The following USP45 variants were observed in gnomAD, a reference collection of about 807,000 sequenced individuals.
The protein encoded by USP45 is ubiquitin specific peptidase 45.
In USP45, 89 loss-of-function variants were observed where a neutral mutation model predicts 95.8. That is an observed-to-expected ratio of 0.93 (90% CI 0.78 to 1.11). USP45 has a LOEUF of 1.11. Among genes scored for constraint, USP45 ranks in the 50% least tolerant of loss-of-function variants. The pLI is 0.00. For synonymous variants in USP45, 281 were observed against 316.2 expected (o/e 0.89, Z 1.18); for missense variants, 898 against 942.5 (o/e 0.95, Z 0.62).
chr6:99,450,279 AC>A (rs1000083214), intron 13 of USP45, among the ~76,000 whole-genome samples: 20 of 152,196 alleles, frequency 1.3e-4, no homozygotes, highest in Non-Finnish European at 2.2e-4. Flanking sequence ...AAATCGATAA[AC>A]CACTAGCAAG....
chr6:99,498,768 C>T (rs1414055623), intron 5 of USP45, among the ~76,000 whole-genome samples: 1 of 152,132 alleles, frequency 6.6e-6, no homozygotes, highest in Admixed American at 6.6e-5. Context: ...GGCCATATGG[C>T]ATGTGATATC....
At chr6:99,480,882 A>G (rs928597904) in intron 8 of USP45, among the ~76,000 whole-genome samples, 1 of 152,186 alleles carries the variant, frequency 6.6e-6, no homozygotes, top group Admixed American at 6.6e-5. Flanking sequence ...AAAAAAATAT[A>G]TTTGTCTAAT....
upstream of USP45, among the ~76,000 whole-genome samples, chr6:99,516,261 C>G (rs1309609572): frequency 6.6e-6 from 1 of 152,202 alleles, no homozygotes. Flanking sequence ...AAGTGGCCAG[C>G]ACATTGCATG....
intron 10 of USP45, among the ~76,000 whole-genome samples, chr6:99,467,013 C>T (rs1050838272): frequency 2.0e-5 from 3 of 152,028 alleles, no homozygotes; most frequent in Non-Finnish European, 2.9e-5. Context: ...ACAAAACAAC[C>T]ACTATTCGTA....
rs1782580281 is a variant in USP45, at chr6:99,446,470, G to A, written c.1309-7C>T. On this transcript the variant is annotated splice_polypyrimidine_tract_variant and splice_region_variant and intron_variant, in intron 13 of 17. Transcript: ENST00000500704. ...GGTCATGAATTAGTTGACTCTGTAA[G>A]TTGACAGTGTTTTCAAAGAAAAGAG... 12 of 1,595,602 alleles carry A rather than the reference G, an allele frequency of 7.5e-6. No homozygotes were observed. The highest frequency in any genetic ancestry group is 1.0e-5 in the Non-Finnish European group (12 of 1,173,296).
chr6:99,475,773 CT>C (rs1554240896), intron 9 of USP45, among the ~76,000 whole-genome samples: 1 of 151,698 alleles, frequency 6.6e-6, no homozygotes, highest in Non-Finnish European at 1.5e-5. Context: ...TAAATTATTT[CT>C]CAACTGTACT....
At chr6:99,513,860 C>T (rs1282093785) in intron 1 of USP45, among the ~76,000 whole-genome samples, 1 of 152,024 alleles carries the variant, frequency 6.6e-6, no homozygotes, top group Non-Finnish European at 1.5e-5. Flanking sequence ...TTAGAGCTTC[C>T]AATACTTTTT....
At chr6:99,488,602 G>T in intron 6 of USP45, 79 bp downstream of exon 6, 1 of 1,410,138 alleles carries the variant, frequency 7.1e-7, no homozygotes, top group Non-Finnish European at 9.6e-7. Flanking sequence ...GCAGTCATTT[G>T]ACAGTCTACA....
Position 99,488,095 on chromosome 6 carries a change from C to T in USP45, c.714+105G>A. The T allele has an allele frequency of 8.6e-6, 6 of 696,026 alleles. No individual in the cohort carries two copies. In the South Asian group the frequency reaches 9.3e-5, roughly 11 times the overall value. 43.1% of individuals were successfully genotyped at this position (696,026 alleles called of 1,614,324 possible). A position where few individuals can be genotyped will look rare whatever the true frequency, so the allele number is the denominator to read the frequency against. The stretch of plus-strand genomic sequence containing the variant: ...ATGCTTTTAAATTATTTTTAAGCCC[C>T]CTGGCTACTATCTTAGTTGACTGAT... On this transcript the variant is annotated intron_variant, in intron 7 of 17. Transcript: ENST00000500704.
chr6:99,461,233 T>A, intron 13 of USP45: 5 of 985,384 alleles, frequency 5.1e-6, no homozygotes, highest in Non-Finnish European at 6.0e-6. Context: ...CAATTTGAGA[T>A]TTTCCAGTCT....
chr6:99,457,098 C>T (rs1049140596), intron 13 of USP45, among the ~76,000 whole-genome samples: 1 of 152,136 alleles, frequency 6.6e-6, no homozygotes, highest in Non-Finnish European at 1.5e-5. Flanking sequence ...TTGGTCAGAC[C>T]GGGTGCTCTC....
In USP45 at chr6:99,487,800, C is replaced by CA. The variant is rs1350595691; in HGVS notation, c.714+399dup. On this transcript the variant is annotated intron_variant, in intron 7 of 17. Coordinates refer to ENST00000500704, the MANE Select transcript of USP45 (RefSeq NM_001346022.3). Reference sequence around the variant, plus strand: ...CCAGCGACAGAGCGAGACCCCGTCTCAAAAAAAAAACCTTTAGATGCTCAC... The same window carrying CA: ...CCAGCGACAGAGCGAGACCCCGTCTCAAAAAAAAAAACCTTTAGATGCTCAC... Among the ~76,000 whole-genome samples, 267 of 146,810 alleles carry CA rather than the reference C, an allele frequency of 1.8e-3. 1 individual carries two copies. The highest frequency in any genetic ancestry group is 6.2e-3 in the Admixed American group (91 of 14,716).
chr6:99,441,101 G>T (rs377376812), intron 15 of USP45, among the ~76,000 whole-genome samples: 2 of 152,064 alleles, frequency 1.3e-5, no homozygotes, highest in East Asian at 3.9e-4. Context: ...TTGATATCCT[G>T]CACATTGGAC....
intron 13 of USP45, among the ~76,000 whole-genome samples, chr6:99,456,712 T>C (rs1785172293): frequency 6.6e-6 from 1 of 152,200 alleles, no homozygotes. Context: ...GACCATGTGA[T>C]AATTGCGTTA....
intron 5 of USP45, among the ~76,000 whole-genome samples, chr6:99,501,022 C>T (rs1562436826): frequency 2.6e-5 from 4 of 152,158 alleles, no homozygotes; most frequent in African/African-American, 9.7e-5. Flanking sequence ...ACCTACTAAG[C>T]AATTCAATTC....
intron 4 of USP45, among the ~76,000 whole-genome samples, chr6:99,507,215 C>A (rs1798743152): frequency 6.6e-6 from 1 of 152,070 alleles, no homozygotes; most frequent in African/African-American, 2.4e-5. Context: ...TCAACAACAA[C>A]AAAAAGTAGA....
intron 1 of USP45, 135 bp from the exon 2 acceptor site, chr6:99,510,365 G>T: frequency 1.6e-6 from 1 of 612,622 alleles, no homozygotes. Context: ...GAAGAAGAGG[G>T]GAACATCACT....
intron 5 of USP45, among the ~76,000 whole-genome samples, chr6:99,502,286 A>G (rs1413090448): frequency 3.3e-5 from 5 of 152,160 alleles, no homozygotes; most frequent in African/African-American, 7.2e-5. Context: ...ACTTTGCCCT[A>G]TGCATCTCTT....
At chr6:99,458,519 C>T (rs1273132833) in intron 13 of USP45, among the ~76,000 whole-genome samples, 1 of 152,138 alleles carries the variant, frequency 6.6e-6, no homozygotes, top group Non-Finnish European at 1.5e-5. Context: ...GGGCAGTATA[C>T]GTGGTTAAGA....
Sources: gnomAD v4.1 joint callset for allele counts (sites outside exome capture counted in the v4.1 genomes callset) on GRCh38, gnomAD v4.1.1 for gene constraint, MANE v1.5 for transcripts, NCBI Gene and HGNC (gene_info 2026-07-23, HGNC 2026-07-21) for gene names.